The following QTGAL variants were observed in gnomAD, a reference collection of about 807,000 sequenced individuals.
The protein encoded by QTGAL is BGnT-like protein 1.
chr17:82,976,328 AAC>A, the QTGAL span, among the ~76,000 whole-genome samples: 2 of 82,796 alleles, frequency 2.4e-5, no homozygotes, highest in African/African-American at 7.9e-5. Context: ...ACTTATGGGG[AAC>A]GAGGGCCCCG....
the QTGAL span, among the ~76,000 whole-genome samples, chr17:82,982,109 C>T: frequency 2.2e-5 from 3 of 137,760 alleles, no homozygotes; most frequent in Admixed American, 7.2e-5. Context: ...ATGGGCCAAG[C>T]GGGTGGAGGA....
At chr17:82,984,117 T>G in the QTGAL span, among the ~76,000 whole-genome samples, 8 of 60,160 alleles carry the variant, frequency 1.3e-4, 1 homozygote, top group Non-Finnish European at 2.3e-4. Flanking sequence ...TGTGAGCACA[T>G]GGGGGAGAGG....
At chr17:82,959,893 A>G in the QTGAL span, among the ~76,000 whole-genome samples, 7 of 152,262 alleles carry the variant, frequency 4.6e-5, no homozygotes, top group African/African-American at 1.7e-4. Context: ...CATTTTAAAA[A>G]GTTCTCATTT....
At chr17:83,038,355 G>T in the QTGAL span, among the ~76,000 whole-genome samples, 2 of 152,088 alleles carry the variant, frequency 1.3e-5, no homozygotes, top group African/African-American at 2.4e-5. Flanking sequence ...ACTTTACAAC[G>T]GATTGTTTTT....
the QTGAL span, among the ~76,000 whole-genome samples, chr17:83,038,655 G>C: frequency 6.6e-6 from 1 of 152,116 alleles, no homozygotes; most frequent in Non-Finnish European, 1.5e-5. Flanking sequence ...TCAGGAGATC[G>C]AGACCATCCT....
the QTGAL span, among the ~76,000 whole-genome samples, chr17:83,034,441 C>T: frequency 4.1e-3 from 618 of 152,350 alleles, 2 homozygotes; most frequent in African/African-American, 0.014. Flanking sequence ...AACCTATTGA[C>T]CTTAATTTTT....
At chr17:83,011,650 G>C in the QTGAL span, 1 of 152,208 alleles carries the variant, frequency 6.6e-6, no homozygotes, top group East Asian at 1.9e-4. Flanking sequence ...GTGGAGAAAC[G>C]GGGTGGACGC....
At chr17:82,987,422 C>T in the QTGAL span, among the ~76,000 whole-genome samples, 1 of 152,190 alleles carries the variant, frequency 6.6e-6, no homozygotes, top group Non-Finnish European at 1.5e-5. Context: ...CACATTTTTA[C>T]AAGCATAAAC....
At chr17:82,992,414 T>A in the QTGAL span, among the ~76,000 whole-genome samples, 1 of 152,184 alleles carries the variant, frequency 6.6e-6, no homozygotes, top group Non-Finnish European at 1.5e-5. Flanking sequence ...TGGCATGACA[T>A]ATGTAACGTG....
the QTGAL span, chr17:82,942,543 G>A: frequency 7.5e-4 from 1,188 of 1,588,080 alleles, 12 homozygotes; most frequent in East Asian, 0.023. Flanking sequence ...GGAAAGCCTC[G>A]CACAGTGGTG....
At chr17:82,990,090 T>C in the QTGAL span, among the ~76,000 whole-genome samples, 3 of 152,260 alleles carry the variant, frequency 2.0e-5, no homozygotes, top group African/African-American at 7.2e-5. Context: ...CACACCAGGA[T>C]AAGCCTTCTC....
chr17:82,986,193 C>T, the QTGAL span, among the ~76,000 whole-genome samples: 1 of 152,262 alleles, frequency 6.6e-6, no homozygotes, highest in Non-Finnish European at 1.5e-5. Flanking sequence ...TCGGCTGCAG[C>T]CCACAGTTTG....
At chr17:83,022,243 G>A in the QTGAL span, among the ~76,000 whole-genome samples, 6 of 151,356 alleles carry the variant, frequency 4.0e-5, no homozygotes, top group African/African-American at 7.3e-5. Context: ...ATGGCCCCAC[G>A]TACACCAGTG....
chr17:82,975,960 C>G, the QTGAL span, among the ~76,000 whole-genome samples: 1 of 58,566 alleles, frequency 1.7e-5, no homozygotes, highest in Non-Finnish European at 3.1e-5. Context: ...TATGGAGAGT[C>G]AGGGCCCCGG....
At chr17:82,948,869 G>A in the QTGAL span, 2 of 152,216 alleles carry the variant, frequency 1.3e-5, no homozygotes, top group Non-Finnish European at 2.9e-5. Flanking sequence ...GGACAATGTT[G>A]TTTTTTAAAT....
At chr17:83,004,941 G>A in the QTGAL span, among the ~76,000 whole-genome samples, 2 of 152,340 alleles carry the variant, frequency 1.3e-5, no homozygotes, top group South Asian at 2.1e-4. Flanking sequence ...ACATGTGTCC[G>A]CTGGGGCCAC....
the QTGAL span, among the ~76,000 whole-genome samples, chr17:82,952,592 G>C: frequency 6.6e-6 from 1 of 152,128 alleles, no homozygotes; most frequent in Admixed American, 6.5e-5. Flanking sequence ...GAGAGACTTA[G>C]GCAACCACAC....
the QTGAL span, among the ~76,000 whole-genome samples, chr17:82,971,336 G>A: frequency 9.9e-5 from 15 of 152,168 alleles, no homozygotes; most frequent in South Asian, 2.1e-4. Context: ...CACGGGCTCC[G>A]CCAGCTCCAG....
the QTGAL span, among the ~76,000 whole-genome samples, chr17:83,019,970 G>A: frequency 2.6e-5 from 4 of 152,076 alleles, no homozygotes; most frequent in Admixed American, 2.0e-4. Context: ...CTGACCTTAG[G>A]TGATCCACCC....
Sources: allele counts gnomAD v4.1 joint callset (sites outside exome capture counted in the v4.1 genomes callset), GRCh38; gene constraint gnomAD v4.1.1; transcripts MANE v1.5; gene names NCBI Gene and HGNC (gene_info 2026-07-23, HGNC 2026-07-21).